Variants in DENND4C observed in about 807,000 individuals in gnomAD.
The protein encoded by DENND4C is DENN domain containing 4C.
In DENND4C, 108 loss-of-function variants were observed where a neutral mutation model predicts 203.0. The ratio of observed to expected loss-of-function variants is 0.53; its 90% CI spans 0.46 to 0.62. The LOEUF (loss-of-function observed/expected upper bound fraction) is 0.62. DENND4C is among the 20% of genes least tolerant of loss of function. The probability of loss-of-function intolerance (pLI) is 0.00; values close to 1 mark genes in which losing one functional copy is unlikely to be tolerated. For synonymous variants in DENND4C, 871 were observed against 792.4 expected, an observed-to-expected ratio of 1.10 and a Z score of -1.67; for missense variants, 2,481 against 2,301.2, an observed-to-expected ratio of 1.08 and a Z score of -1.60.
chr9:19,330,013 A>G (rs921609674), intron 16 of DENND4C, among the ~76,000 whole-genome samples: 1 of 152,216 alleles, frequency 6.6e-6, no homozygotes, highest in Non-Finnish European at 1.5e-5. Flanking sequence ...TTACTAATTT[A>G]TGGGATAGTC....
chr9:19,265,824 G>T (rs1830381837), intron 1 of DENND4C, among the ~76,000 whole-genome samples: 1 of 152,188 alleles, frequency 6.6e-6, no homozygotes, highest in African/African-American at 2.4e-5. Context: ...TGGTGTATAT[G>T]TGCCACATTT....
Position 19,334,587 on chromosome 9 carries a change from G to A in DENND4C, c.2461-390G>A, listed in dbSNP as rs566874222. 4.7e-5 allele frequency among the ~76,000 whole-genome samples: 7 copies of A among 149,264 alleles called. 1 individual carries two copies. Among genetic ancestry groups the A allele is most frequent in the South Asian group, 4.2e-4 (2 of 4,728 alleles). On this transcript the variant is annotated intron_variant, in intron 17 of 32. Coordinates refer to ENST00000434457, the MANE Select transcript of DENND4C (RefSeq NM_001330640.2). ...GTTGCCCAGGCTGGAGTGCAGTGGC[G>A]TGATCTGGGCTCATTACAACCTCTA...
intron 4 of DENND4C, among the ~76,000 whole-genome samples, chr9:19,290,047 A>G (rs1835971129): frequency 6.6e-6 from 1 of 152,150 alleles, no homozygotes; most frequent in Non-Finnish European, 1.5e-5. Context: ...AAATTCTACT[A>G]CTGATTTTGA....
intron 22 of DENND4C, among the ~76,000 whole-genome samples, chr9:19,345,620 G>A (rs1283413289): frequency 6.6e-6 from 1 of 152,110 alleles, no homozygotes; most frequent in East Asian, 1.9e-4. Flanking sequence ...TTCTTTTTCT[G>A]TATTTTAGTG....
At chr9:19,314,713 A>T (rs530128549) in intron 10 of DENND4C, among the ~76,000 whole-genome samples, 1 of 152,320 alleles carries the variant, frequency 6.6e-6, no homozygotes, top group South Asian at 2.1e-4. Context: ...GAACCTGATT[A>T]AAAAATCATT....
intron 4 of DENND4C, among the ~76,000 whole-genome samples, chr9:19,288,924 T>C (rs1012760085): frequency 2.6e-5 from 4 of 152,222 alleles, no homozygotes; most frequent in Non-Finnish European, 4.4e-5. Flanking sequence ...ACATTCAAGC[T>C]TTTGGTCTAC....
intron 2 of DENND4C, among the ~76,000 whole-genome samples, chr9:19,278,496 C>T (rs146809043): frequency 2.0e-3 from 304 of 152,208 alleles, no homozygotes; most frequent in African/African-American, 6.8e-3. Context: ...TTGTTACGCT[C>T]ATCACCCACT....
intron 1 of DENND4C, among the ~76,000 whole-genome samples, chr9:19,241,613 G>T (rs1214415589): frequency 6.6e-6 from 1 of 151,474 alleles, no homozygotes; most frequent in Non-Finnish European, 1.5e-5. Flanking sequence ...CAATATCAGT[G>T]TCTTCTACCT....
chr9:19,329,313 A>G (rs956539416), intron 16 of DENND4C, among the ~76,000 whole-genome samples: 1 of 152,170 alleles, frequency 6.6e-6, no homozygotes. Context: ...GAACTGCATA[A>G]TATGTATTCT....
intron 1 of DENND4C, among the ~76,000 whole-genome samples, chr9:19,273,882 C>T (rs183946385): frequency 3.3e-5 from 5 of 152,110 alleles, no homozygotes; most frequent in African/African-American, 1.2e-4. Flanking sequence ...CTATATACAC[C>T]TAATCCAGCC....
intron 17 of DENND4C, among the ~76,000 whole-genome samples, chr9:19,332,765 ATTTTTTT>A (rs35052178): frequency 9.1e-6 from 1 of 110,496 alleles, no homozygotes; most frequent in Non-Finnish European, 1.9e-5. Flanking sequence ...TCTGTTTTTG[ATTTTTTT>A]TTTTTTTTTT....
intron 1 of DENND4C, among the ~76,000 whole-genome samples, chr9:19,266,016 T>G (rs921646547): frequency 3.9e-5 from 6 of 152,214 alleles, no homozygotes; most frequent in African/African-American, 1.4e-4. Context: ...TTCTAGATCC[T>G]TGAGGAATCG....
At chr9:19,241,170 A>G (rs1340839324) in intron 1 of DENND4C, among the ~76,000 whole-genome samples, 1 of 152,170 alleles carries the variant, frequency 6.6e-6, no homozygotes, top group Non-Finnish European at 1.5e-5. Context: ...CACTTTATGA[A>G]CAATGTACAG....
chr9:19,282,566 A>AAAAAT (rs1465942941), intron 2 of DENND4C, among the ~76,000 whole-genome samples: 1 of 146,726 alleles, frequency 6.8e-6, no homozygotes, highest in Non-Finnish European at 1.5e-5. Context: ...AATTAAAAAA[A>AAAAAT]AAAAAAAAAT....
chr9:19,269,474 C>T (rs1275315925), intron 1 of DENND4C, among the ~76,000 whole-genome samples: 1 of 152,132 alleles, frequency 6.6e-6, no homozygotes, highest in Non-Finnish European at 1.5e-5. Flanking sequence ...ACTGTGTTTT[C>T]AAATAGTGTG....
At chr9:19,266,361 C>G (rs1830498944) in intron 1 of DENND4C, among the ~76,000 whole-genome samples, 2 of 151,100 alleles carry the variant, frequency 1.3e-5, no homozygotes, top group South Asian at 2.1e-4. Context: ...GATATTAGCC[C>G]TTTGTCAGAT....
chr9:19,298,162 T>C (rs1347356545), intron 7 of DENND4C, 40 bp downstream of exon 7: 2 of 1,548,664 alleles, frequency 1.3e-6, no homozygotes, highest in African/African-American at 1.4e-5. Context: ...ACTTTGCATA[T>C]GCTCACCTGA....
Position 19,346,098 on chromosome 9 carries a change from G to C in DENND4C, c.3329G>C (p.Ser1110Thr). 6.2e-7 allele frequency: 1 copy of C among 1,614,214 alleles called. No individual in the cohort carries two copies. Residue 1110 changes from serine (S) to threonine (T), a missense_variant, in exon 23 of 33, where the codon AGT (serine) becomes ACT (threonine). This residue lies in a region of DENND4C where 2,289 missense variants were observed against 2,113.3 expected (regional missense o/e 1.08). Transcript: ENST00000434457. ...GCAGGAATGTTGCTTAAGAAGAGTA[G>C]TTTGGATTCGAATTCAAGTGAAATG... ...SRAGMLLKKS[S>T]LDSNSSEMAI...
intron 1 of DENND4C, among the ~76,000 whole-genome samples, chr9:19,238,350 G>C (rs533852053): frequency 6.6e-6 from 1 of 151,734 alleles, no homozygotes; most frequent in Non-Finnish European, 1.5e-5. Flanking sequence ...CCAAAGTGCT[G>C]AGATTACAGA....
Sources: allele counts gnomAD v4.1 joint callset (sites outside exome capture counted in the v4.1 genomes callset), GRCh38; gene constraint gnomAD v4.1.1; regional missense constraint gnomAD v4.1.1; transcripts MANE v1.5; gene names NCBI Gene and HGNC (gene_info 2026-07-23, HGNC 2026-07-21).